COL25A1: variants seen among roughly 807,000 people sequenced by gnomAD.
The protein encoded by COL25A1 is collagen type XXV alpha 1 chain, also known as collagen alpha-1(XXV) chain.
COL25A1 carries 103 observed loss-of-function variants against 128.4 expected under a neutral mutation model. The observed-to-expected ratio is 0.80, with a 90% confidence interval of 0.68 to 0.94. COL25A1 has a LOEUF of 0.94. COL25A1 is among the 40% of genes least tolerant of loss of function. COL25A1 has a pLI of 0.00. For synonymous variants in COL25A1, 279 were observed against 277.2 expected, an observed-to-expected ratio of 1.01 and a Z score of -0.06; for missense variants, 745 against 840.0, an observed-to-expected ratio of 0.89 and a Z score of 1.40.
At chr4:108,896,439 T>C (rs935838338) in intron 16 of COL25A1, among the ~76,000 whole-genome samples, 1 of 152,242 alleles carries the variant, frequency 6.6e-6, no homozygotes, top group Non-Finnish European at 1.5e-5. Flanking sequence ...CTATAATTTT[T>C]GATATATCAT....
At chr4:108,814,913 A>G (rs1731107576) in intron 37 of COL25A1, among the ~76,000 whole-genome samples, 1 of 152,166 alleles carries the variant, frequency 6.6e-6, no homozygotes, top group Admixed American at 6.5e-5. Flanking sequence ...TTATTTATTA[A>G]CATTTGTTTT....
chr4:108,897,224 T>C (rs781458128), intron 15 of COL25A1, among the ~76,000 whole-genome samples: 4 of 152,176 alleles, frequency 2.6e-5, no homozygotes, highest in Non-Finnish European at 5.9e-5. Flanking sequence ...GTGGACTGAA[T>C]ATTGATTTAT....
chr4:109,206,505 C>T (rs1402696292), intron 3 of COL25A1, among the ~76,000 whole-genome samples: 3 of 152,026 alleles, frequency 2.0e-5, no homozygotes, highest in African/African-American at 7.2e-5. Context: ...GCTGAACAGC[C>T]CTAGAGAGGT....
At chr4:109,296,060 A>G (rs1475225800) in intron 3 of COL25A1, among the ~76,000 whole-genome samples, 1 of 152,050 alleles carries the variant, frequency 6.6e-6, no homozygotes, top group African/African-American at 2.4e-5. Flanking sequence ...CCCTATTTTC[A>G]GGAGAAAAGT....
intron 3 of COL25A1, among the ~76,000 whole-genome samples, chr4:109,110,460 T>A (rs1173305231): frequency 6.6e-6 from 1 of 152,146 alleles, no homozygotes; most frequent in Non-Finnish European, 1.5e-5. Flanking sequence ...CTGTTAGCTG[T>A]TTTTCTTGCA....
chr4:109,057,501 C>G (rs368921474), intron 3 of COL25A1, among the ~76,000 whole-genome samples: 2 of 123,916 alleles, frequency 1.6e-5, no homozygotes, highest in East Asian at 2.8e-4. Flanking sequence ...AGGCTGGTCT[C>G]AAACTCCTGA....
chr4:109,216,706 T>C (rs964350806), intron 3 of COL25A1, among the ~76,000 whole-genome samples: 3 of 152,182 alleles, frequency 2.0e-5, no homozygotes, highest in Admixed American at 2.0e-4. Context: ...AGCATGGCCC[T>C]GCCAACATCT....
chr4:109,257,522 G>A (rs997612758), intron 3 of COL25A1, among the ~76,000 whole-genome samples: 10 of 152,180 alleles, frequency 6.6e-5, no homozygotes, highest in African/African-American at 2.2e-4. Context: ...AGGAAGAAAA[G>A]GAACAAAAGG....
At chr4:109,287,411 C>G (rs565625127) in intron 3 of COL25A1, among the ~76,000 whole-genome samples, 20 of 152,210 alleles carry the variant, frequency 1.3e-4, no homozygotes, top group African/African-American at 4.8e-4. Flanking sequence ...TTAAAGGCTG[C>G]TATATACATG....
chr4:109,042,501 T>C (rs1228326872), intron 5 of COL25A1, among the ~76,000 whole-genome samples: 1 of 152,024 alleles, frequency 6.6e-6, no homozygotes, highest in Non-Finnish European at 1.5e-5. Flanking sequence ...TGGTTTGTTA[T>C]GGTGACTGTT....
rs891312100 is a variant in COL25A1 at position 109,104,939 on chromosome 4, T to C, written c.368-54760A>G. On this transcript the variant is annotated intron_variant, in intron 3 of 37. Coordinates refer to ENST00000399132, the MANE Select transcript of COL25A1 (RefSeq NM_198721.4). ...TTAATAAAAATTGCTATTTATTAGA[T>C]GCAATAATGGTATTGTGGTTATGGT... 5.9e-5 allele frequency among the ~76,000 whole-genome samples: 9 copies of C among 152,228 alleles called. No homozygotes were observed. In the East Asian group the frequency reaches 1.2e-3, roughly 20 times the overall value.
At chr4:108,816,020 A>T (rs962130307) in intron 37 of COL25A1, among the ~76,000 whole-genome samples, 2 of 152,162 alleles carry the variant, frequency 1.3e-5, no homozygotes, top group Non-Finnish European at 2.9e-5. Context: ...TGGTAATTCC[A>T]GCTCAAGATG....
chr4:109,284,354 G>T (rs1418680444), intron 3 of COL25A1, among the ~76,000 whole-genome samples: 1 of 152,200 alleles, frequency 6.6e-6, no homozygotes, highest in Non-Finnish European at 1.5e-5. Flanking sequence ...GAACCTAGAA[G>T]GTAGAGGTTG....
chr4:108,872,855 G>A (rs1262937661), intron 19 of COL25A1, among the ~76,000 whole-genome samples: 1 of 151,670 alleles, frequency 6.6e-6, no homozygotes, highest in East Asian at 1.9e-4. Flanking sequence ...ACATGTAATT[G>A]ATTTTTAGAA....
intron 5 of COL25A1, among the ~76,000 whole-genome samples, chr4:109,043,618 A>G (rs1020024989): frequency 6.6e-6 from 1 of 152,112 alleles, no homozygotes; most frequent in Non-Finnish European, 1.5e-5. Flanking sequence ...TTTTCTGGCT[A>G]TAGTTACAGG....
chr4:109,252,126 G>T (rs964476458), intron 3 of COL25A1, among the ~76,000 whole-genome samples: 6 of 152,232 alleles, frequency 3.9e-5, no homozygotes, highest in African/African-American at 7.2e-5. Flanking sequence ...TCCATGGATG[G>T]TAGTTTAGCA....
chr4:108,885,306 T>G (rs1740647331), intron 18 of COL25A1, among the ~76,000 whole-genome samples: 1 of 152,186 alleles, frequency 6.6e-6, no homozygotes, highest in Non-Finnish European at 1.5e-5. Context: ...GCACCATAGT[T>G]TGTTCTGGTG....
chr4:108,830,897 G>C, intron 32 of COL25A1, among the ~76,000 whole-genome samples: 1 of 152,236 alleles, frequency 6.6e-6, no homozygotes, highest in South Asian at 2.1e-4. Flanking sequence ...CAGCGTTGAG[G>C]CTTTTAGCTT....
At chr4:108,965,417 TA>T (rs1751178770) in intron 8 of COL25A1, among the ~76,000 whole-genome samples, 1 of 152,248 alleles carries the variant, frequency 6.6e-6, no homozygotes, top group African/African-American at 2.4e-5. Context: ...GATTAATATA[TA>T]ATCAAAAGAT....
Sources: allele counts gnomAD v4.1 joint callset (sites outside exome capture counted in the v4.1 genomes callset), GRCh38; gene constraint gnomAD v4.1.1; transcripts MANE v1.5; gene names NCBI Gene and HGNC (gene_info 2026-07-23, HGNC 2026-07-21).